CDH13: variants seen among roughly 807,000 people sequenced by gnomAD.
CDH13 encodes cadherin 13.
A neutral mutation model predicts 63.8 loss-of-function variants in CDH13; 24 were observed. The observed-to-expected ratio is 0.38, with a 90% CI of 0.27 to 0.53. The LOEUF (loss-of-function observed/expected upper bound fraction) is 0.53. Ranked by LOEUF, CDH13 falls within the 20% of genes least tolerant of loss-of-function variation. The pLI is 0.85. For synonymous variants in CDH13, 503 were observed against 355.3 expected, an observed-to-expected ratio of 1.42 and a Z score of -4.67; for missense variants, 1,049 against 903.1, an observed-to-expected ratio of 1.16 and a Z score of -2.07.
chr16:83,436,733 C>G (rs1408356678), intron 6 of CDH13, among the ~76,000 whole-genome samples: 2 of 152,190 alleles, frequency 1.3e-5, no homozygotes, highest in African/African-American at 4.8e-5. Context: ...AGTTGGAAAC[C>G]TTTGGCCAAC....
chr16:82,932,201 G>C (rs1286189163), intron 2 of CDH13, among the ~76,000 whole-genome samples: 1 of 152,052 alleles, frequency 6.6e-6, no homozygotes. Flanking sequence ...AAAGATTGTT[G>C]CTATATTTTT....
chr16:83,335,779 G>T (rs961005830), intron 5 of CDH13, among the ~76,000 whole-genome samples: 1 of 152,000 alleles, frequency 6.6e-6, no homozygotes, highest in African/African-American at 2.4e-5. Context: ...GCAGACCCCA[G>T]TCACGTACCC....
chr16:82,877,122 T>A (rs183952983), intron 2 of CDH13, among the ~76,000 whole-genome samples: 111 of 152,326 alleles, frequency 7.3e-4, no homozygotes, highest in African/African-American at 2.5e-3. Flanking sequence ...AGAATAGATA[T>A]TTATAGGGCT....
intron 3 of CDH13, among the ~76,000 whole-genome samples, chr16:83,122,118 T>C (rs4782749): frequency 0.38 from 57,870 of 152,136 alleles, 13,068 homozygotes; most frequent in Admixed American, 0.53. Flanking sequence ...TTTTAATTAG[T>C]ATGTGGCATT....
intron 3 of CDH13, among the ~76,000 whole-genome samples, chr16:83,124,335 C>T (rs113652040): frequency 3.9e-4 from 59 of 152,240 alleles, no homozygotes; most frequent in Admixed American, 1.3e-3. Context: ...TGTGAGCCAC[C>T]GCACCCGGCC....
chr16:82,785,610 C>G (rs1567531705), intron 1 of CDH13, among the ~76,000 whole-genome samples: 1 of 152,148 alleles, frequency 6.6e-6, no homozygotes, highest in Non-Finnish European at 1.5e-5. Flanking sequence ...ATTTGTCTGT[C>G]TACAATCTTG....
chr16:82,734,595 C>G (rs946939182), intron 1 of CDH13, among the ~76,000 whole-genome samples: 6 of 152,158 alleles, frequency 3.9e-5, no homozygotes, highest in African/African-American at 1.2e-4. Context: ...AGAAGCAACT[C>G]TGAGATGGAG....
At chr16:83,416,821 A>G (rs2071563059) in intron 6 of CDH13, among the ~76,000 whole-genome samples, 1 of 152,216 alleles carries the variant, frequency 6.6e-6, no homozygotes, top group East Asian at 1.9e-4. Context: ...CCACCTAATT[A>G]ACCTCTCTGT....
At chr16:83,500,300 C>CTT (rs1555561933) in intron 7 of CDH13, among the ~76,000 whole-genome samples, 30 of 940 alleles carry the variant, frequency 0.032, 3 homozygotes, top group East Asian at 0.25. Flanking sequence ...TCTTCTCCTT[C>CTT]TCCTTCTCCT....
At chr16:83,436,768 T>A (rs1306550030) in intron 6 of CDH13, among the ~76,000 whole-genome samples, 1 of 152,232 alleles carries the variant, frequency 6.6e-6, no homozygotes, top group Non-Finnish European at 1.5e-5. Context: ...CTGGGAGACC[T>A]TGCAGAGGTT....
chr16:83,766,913 C>T (rs1169342412), intron 11 of CDH13, among the ~76,000 whole-genome samples: 1 of 152,188 alleles, frequency 6.6e-6, no homozygotes, highest in Non-Finnish European at 1.5e-5. Flanking sequence ...TCACTCTGTG[C>T]TGCCACCCTG....
At chr16:82,663,111 C>T (rs550404111) in intron 1 of CDH13, among the ~76,000 whole-genome samples, 7 of 152,344 alleles carry the variant, frequency 4.6e-5, no homozygotes, top group African/African-American at 7.2e-5. Context: ...CCAGAGACTG[C>T]GGATTGCAGG....
At chr16:83,703,857 C>T (rs542894577) in intron 10 of CDH13, among the ~76,000 whole-genome samples, 10 of 152,254 alleles carry the variant, frequency 6.6e-5, no homozygotes, top group South Asian at 6.2e-4. Context: ...ATAATAGGCA[C>T]GAACTCGCAA....
chr16:83,427,212 C>T (rs748375672), intron 6 of CDH13, among the ~76,000 whole-genome samples: 24 of 152,088 alleles, frequency 1.6e-4, no homozygotes, highest in Admixed American at 5.2e-4. Flanking sequence ...CCGCGCCCGG[C>T]CTAAATATGT....
intron 5 of CDH13, among the ~76,000 whole-genome samples, chr16:83,233,309 C>G (rs543812029): frequency 6.6e-6 from 1 of 152,298 alleles, no homozygotes; most frequent in Non-Finnish European, 1.5e-5. Flanking sequence ...GTGACGACCA[C>G]GACAATGTTG....
At chr16:82,745,892 A>G (rs770809736) in intron 1 of CDH13, among the ~76,000 whole-genome samples, 12 of 152,100 alleles carry the variant, frequency 7.9e-5, no homozygotes, top group African/African-American at 2.7e-4. Context: ...AATTTTTTAG[A>G]ACTAAGATTA....
At chr16:83,727,189 C>A (rs2150946206) in intron 10 of CDH13, among the ~76,000 whole-genome samples, 1 of 152,086 alleles carries the variant, frequency 6.6e-6, no homozygotes, top group South Asian at 2.1e-4. Flanking sequence ...CTTCCTTCTC[C>A]CCACTGCTCT....
chr16:83,494,845 T>A (rs969664806), intron 7 of CDH13, among the ~76,000 whole-genome samples: 1 of 152,230 alleles, frequency 6.6e-6, no homozygotes, highest in African/African-American at 2.4e-5. Context: ...AAAAGCTTGT[T>A]GATCGTATTA....
chr16:83,695,169 T>C (rs1411278298), intron 10 of CDH13, among the ~76,000 whole-genome samples: 1 of 152,160 alleles, frequency 6.6e-6, no homozygotes, highest in Non-Finnish European at 1.5e-5. Context: ...ATCATGCCAC[T>C]GTACTCCAGC....
Sources: allele counts gnomAD v4.1 joint callset (sites outside exome capture counted in the v4.1 genomes callset), GRCh38; gene constraint gnomAD v4.1.1; transcripts MANE v1.5; gene names NCBI Gene and HGNC (gene_info 2026-07-23, HGNC 2026-07-21).